The following NEBL variants were observed in gnomAD, a reference collection of about 807,000 sequenced individuals.
NEBL encodes LIM and SH3 protein 2.
In NEBL, 122 loss-of-function variants were observed where a neutral mutation model predicts 140.2. The ratio of observed to expected loss-of-function variants is 0.87; its 90% CI spans 0.75 to 1.01. The LOEUF (loss-of-function observed/expected upper bound fraction) is 1.01, where lower values mean the gene tolerates loss of function less well. Among genes scored for constraint, NEBL ranks in the 50% least tolerant of loss-of-function variants. NEBL has a pLI of 0.00. For synonymous variants in NEBL, 436 were observed against 398.9 expected (o/e 1.09, Z -1.11); for missense variants, 1,365 against 1,231.3 (o/e 1.11, Z -1.62).
At chr10:21,270,658 G>T (rs11012627) in intron 1 of NEBL, among the ~76,000 whole-genome samples, 3 of 152,034 alleles carry the variant, frequency 2.0e-5, no homozygotes, top group Admixed American at 6.5e-5. Context: ...GTGAGCCACC[G>T]CGCCCAGCCC....
At chr10:21,270,114 C>T (rs1282133998) in intron 1 of NEBL, among the ~76,000 whole-genome samples, 4 of 152,186 alleles carry the variant, frequency 2.6e-5, no homozygotes, top group Admixed American at 6.5e-5. Flanking sequence ...CAAAGCAAAA[C>T]TCTGGAATTC....
chr10:21,205,903 C>G (rs1589328366), intron 3 of NEBL, among the ~76,000 whole-genome samples: 1 of 152,170 alleles, frequency 6.6e-6, no homozygotes, highest in African/African-American at 2.4e-5. Flanking sequence ...ATATGATAAT[C>G]TCCAAAACAA....
chr10:20,956,319 C>T (rs1409287486), intron 4 of NEBL, among the ~76,000 whole-genome samples: 3 of 152,138 alleles, frequency 2.0e-5, no homozygotes, highest in Non-Finnish European at 4.4e-5. Context: ...ATGAGGTATT[C>T]ATACATCTGT....
At position 20,796,228 on chromosome 10, in the gene NEBL, T is replaced by C. The variant is rs147988015; in HGVS notation, c.2762-8920A>G. ...AAATACAAAAATTAGCAGGGCGTAGTGGTGGGCGCCCGTTATCCCAGCTTC... is the reference window on the plus strand; with the variant it reads ...AAATACAAAAATTAGCAGGGCGTAGCGGTGGGCGCCCGTTATCCCAGCTTC... On this transcript the variant is annotated intron_variant, in intron 26 of 27. Coordinates refer to ENST00000377122, the MANE Select transcript of NEBL (RefSeq NM_006393.3). Among the ~76,000 whole-genome samples, 377 of 151,586 alleles carry C rather than the reference T, an allele frequency of 2.5e-3. 9 individuals are homozygous for C. In the East Asian group the frequency reaches 0.064, roughly 26 times the overall value.
At chr10:21,284,731 G>T (rs1843034957) in intron 1 of NEBL, among the ~76,000 whole-genome samples, 1 of 152,116 alleles carries the variant, frequency 6.6e-6, no homozygotes, top group Non-Finnish European at 1.5e-5. Flanking sequence ...GGTTAGGGAG[G>T]CTTCCTCACT....
chr10:21,036,517 C>T (rs1834021838), intron 2 of NEBL, among the ~76,000 whole-genome samples: 1 of 151,772 alleles, frequency 6.6e-6, no homozygotes, highest in Admixed American at 6.6e-5. Context: ...GAAGGAAGAC[C>T]CCTTAGTTGA....
At chr10:21,025,880 G>A (rs897443614) in intron 2 of NEBL, among the ~76,000 whole-genome samples, 1 of 152,042 alleles carries the variant, frequency 6.6e-6, no homozygotes, top group Non-Finnish European at 1.5e-5. Flanking sequence ...CTCATAGTAG[G>A]CACTCAAGAA....
chr10:21,029,035 A>G, intron 2 of NEBL: 1 of 839,392 alleles, frequency 1.2e-6, no homozygotes, highest in Non-Finnish European at 1.9e-6. Context: ...TAAGAAGAGG[A>G]AAACTATCTC....
chr10:21,218,929 C>T (rs1369166696), intron 3 of NEBL, among the ~76,000 whole-genome samples: 1 of 152,240 alleles, frequency 6.6e-6, no homozygotes, highest in Non-Finnish European at 1.5e-5. Context: ...GGTACATTTG[C>T]TCTCCTCTTC....
At chr10:20,952,386 G>A (rs1052088064) in intron 4 of NEBL, among the ~76,000 whole-genome samples, 4 of 145,796 alleles carry the variant, frequency 2.7e-5, no homozygotes, top group Admixed American at 7.0e-5. Flanking sequence ...GCCATGAGCC[G>A]AAATTGTACC....
rs118001445 is a variant in NEBL at position 21,133,139 on chromosome 10, G to C, written c.164+39244C>G. On this transcript the variant is annotated intron_variant, in intron 2 of 6. Coordinates refer to the NEBL transcript ENST00000417816. ...CTTTAGCCCATTTTGAGTTAATTTT[G>C]TATGTGTGTGAGGTGGGAGTCCAAT... 9.6e-3 allele frequency among the ~76,000 whole-genome samples: 1,463 copies of C among 152,190 alleles called. 13 individuals carry two copies. The highest frequency in any genetic ancestry group is 0.03 in the South Asian group (145 of 4,816).
chr10:20,890,922 C>T (rs768449369), intron 2 of NEBL, among the ~76,000 whole-genome samples: 6 of 152,192 alleles, frequency 3.9e-5, no homozygotes, highest in African/African-American at 7.2e-5. Context: ...GTAATATGCT[C>T]GTGTTTATCC....
At chr10:20,907,968 T>C (rs2000065) in intron 4 of NEBL, among the ~76,000 whole-genome samples, 9,563 of 152,240 alleles carry the variant, frequency 0.063, 1,009 homozygotes, top group African/African-American at 0.22. Context: ...CAAGCTATGC[T>C]GACATTTTTT....
chr10:21,188,919 G>GA, intron 3 of NEBL, among the ~76,000 whole-genome samples: 1 of 152,068 alleles, frequency 6.6e-6, no homozygotes, highest in East Asian at 1.9e-4. Context: ...CATAAATGAA[G>GA]AAATAGAGTG....
intron 2 of NEBL, among the ~76,000 whole-genome samples, chr10:21,064,533 G>C (rs975058614): frequency 6.6e-6 from 1 of 152,050 alleles, no homozygotes; most frequent in African/African-American, 2.4e-5. Context: ...TACAAGTCTC[G>C]TTTTATTAAC....
At chr10:21,127,938 A>T (rs1004841454) in intron 2 of NEBL, among the ~76,000 whole-genome samples, 1 of 152,252 alleles carries the variant, frequency 6.6e-6, no homozygotes, top group Admixed American at 6.5e-5. Context: ...TGTTAAAAGG[A>T]ATTAAGTAAT....
intron 3 of NEBL, among the ~76,000 whole-genome samples, chr10:21,225,663 C>T (rs1041569571): frequency 3.3e-5 from 5 of 152,190 alleles, no homozygotes; most frequent in African/African-American, 1.2e-4. Context: ...ATGGCCACCA[C>T]CTCCCCAGGT....
rs77500119 is a variant in NEBL at position 21,104,886 on chromosome 10, G to A, written c.164+67497C>T. ...TTTTGTAGATGCCCGATATCAGGAT[G>A]AAGAAGTTTCCATCTATGCCCAGTT... is the stretch of plus-strand genomic sequence containing the variant. On this transcript the variant is annotated intron_variant, in intron 2 of 6. Coordinates refer to the NEBL transcript ENST00000417816. 5.1e-3 allele frequency among the ~76,000 whole-genome samples: 773 copies of A among 152,222 alleles called. 2 individuals are homozygous for A. Among genetic ancestry groups the A allele is most frequent in the African/African-American group, 0.011 (452 of 41,508 alleles).
At chr10:20,805,963 T>TA (rs894336885) in intron 26 of NEBL, among the ~76,000 whole-genome samples, 5 of 151,384 alleles carry the variant, frequency 3.3e-5, no homozygotes, top group South Asian at 2.1e-4. Flanking sequence ...ATTCCTCCTT[T>TA]AAAAAAAAAT....
Sources: allele counts gnomAD v4.1 joint callset (sites outside exome capture counted in the v4.1 genomes callset), GRCh38; gene constraint gnomAD v4.1.1; transcripts MANE v1.5; gene names NCBI Gene and HGNC (gene_info 2026-07-23, HGNC 2026-07-21).